EPHA3: variants seen among roughly 807,000 people sequenced by gnomAD.
The protein encoded by EPHA3 is ephrin type-A receptor 3.
EPHA3 carries 42 observed loss-of-function variants against 107.1 expected under a neutral mutation model. The observed-to-expected ratio is 0.39, with a 90% confidence interval of 0.31 to 0.51. EPHA3 has a LOEUF of 0.51. EPHA3 is among the 20% of genes least tolerant of loss of function. The pLI is 0.78. For missense variants in EPHA3, 1,183 were observed against 1,211.2 expected, an observed-to-expected ratio of 0.98 and a Z score of 0.35; for synonymous variants, 461 against 424.8, an observed-to-expected ratio of 1.09 and a Z score of -1.05.
At chr3:89,474,621 A>G (rs1710469681) in intron 16 of EPHA3, among the ~76,000 whole-genome samples, 1 of 152,244 alleles carries the variant, frequency 6.6e-6, no homozygotes, top group Non-Finnish European at 1.5e-5. Context: ...AAACTTTTAG[A>G]TATTGAAACA....
intron 5 of EPHA3, among the ~76,000 whole-genome samples, chr3:89,369,913 C>G (rs373190466): frequency 8.0e-5 from 12 of 150,440 alleles, no homozygotes; most frequent in Non-Finnish European, 1.2e-4. Flanking sequence ...AAAATGCTCA[C>G]CATCACTGGC....
chr3:89,311,408 T>C (rs1296782039), intron 3 of EPHA3, among the ~76,000 whole-genome samples: 1 of 152,026 alleles, frequency 6.6e-6, no homozygotes, highest in Non-Finnish European at 1.5e-5. Flanking sequence ...AGTGAAACCA[T>C]GCAAACTTTG....
At chr3:89,279,110 G>T (rs1705880229) in intron 3 of EPHA3, among the ~76,000 whole-genome samples, 1 of 151,968 alleles carries the variant, frequency 6.6e-6, no homozygotes, top group African/African-American at 2.4e-5. Context: ...ATTTAAAATT[G>T]TTTTGCAAGT....
At chr3:89,280,585 AG>A (rs2107313602) in intron 3 of EPHA3, among the ~76,000 whole-genome samples, 1 of 152,282 alleles carries the variant, frequency 6.6e-6, no homozygotes, top group South Asian at 2.1e-4. Context: ...ATTGGGTTTT[AG>A]TTGCATTGAG....
At chr3:89,323,260 G>A (rs1348948548) in intron 3 of EPHA3, among the ~76,000 whole-genome samples, 1 of 151,978 alleles carries the variant, frequency 6.6e-6, no homozygotes, top group Non-Finnish European at 1.5e-5. Context: ...ATGTGTATTA[G>A]AGAATATTTA....
rs970674631 is a variant in EPHA3 at position 89,322,169 on chromosome 3, C to T, written c.815-18747C>T. On this transcript the variant is annotated intron_variant, in intron 3 of 16. Transcript: ENST00000336596. ...GAGAGAGAAAACAGTATATACTTAT[C>T]GCATTCAAGAGAGTTTCCTATTTGG... 7.9e-5 allele frequency among the ~76,000 whole-genome samples: 12 copies of T among 151,742 alleles called. 1 individual carries two copies. Among genetic ancestry groups the T allele is most frequent in the Non-Finnish European group, 1.2e-4 (8 of 67,866 alleles).
At chr3:89,167,500 G>T (rs554479654) in intron 2 of EPHA3, among the ~76,000 whole-genome samples, 1 of 152,108 alleles carries the variant, frequency 6.6e-6, no homozygotes, top group South Asian at 2.1e-4. Flanking sequence ...TTACAAAAAA[G>T]AAATAGAAGC....
chr3:89,219,938 G>A (rs1441810437), intron 3 of EPHA3, among the ~76,000 whole-genome samples: 2 of 149,260 alleles, frequency 1.3e-5, no homozygotes, highest in Non-Finnish European at 3.0e-5. Flanking sequence ...TCGATCTCCT[G>A]ACCTCGTGAT....
rs564741659 is a variant in EPHA3 at position 89,443,630 on chromosome 3, A to T, written c.2347-5595A>T. ...CTACTTTCCCAGGTCCACAAAATAA[A>T]TCATTATTCTCACTTGACAGAACAA... On this transcript the variant is annotated intron_variant, in intron 13 of 16. Transcript: ENST00000336596. 3.3e-5 allele frequency among the ~76,000 whole-genome samples: 5 copies of T among 152,308 alleles called. No individual in the cohort carries two copies. The South Asian group carries it at 1.0e-3, about 32-fold the overall frequency.
intron 3 of EPHA3, among the ~76,000 whole-genome samples, chr3:89,235,023 TTCCCTCCC>T (rs369198690): frequency 1.2e-4 from 14 of 120,378 alleles, no homozygotes; most frequent in East Asian, 5.8e-4. Context: ...TTCCCTCCCC[TTCCCTCCC>T]TCCCTCCCTC....
chr3:89,132,421 A>G (rs1704226179), intron 2 of EPHA3, among the ~76,000 whole-genome samples: 1 of 152,244 alleles, frequency 6.6e-6, no homozygotes. Context: ...ATTGTATATT[A>G]TAGTGTTATT....
At chr3:89,240,446 G>T (rs934510921) in intron 3 of EPHA3, among the ~76,000 whole-genome samples, 1 of 151,914 alleles carries the variant, frequency 6.6e-6, no homozygotes, top group Admixed American at 6.6e-5. Flanking sequence ...TATTTTAAAG[G>T]ATGAAAGGCA....
At chr3:89,312,032 A>G (rs1052301668) in intron 3 of EPHA3, among the ~76,000 whole-genome samples, 1 of 151,978 alleles carries the variant, frequency 6.6e-6, no homozygotes, top group African/African-American at 2.4e-5. Flanking sequence ...TAACAAATAA[A>G]AGACATAGAG....
At chr3:89,389,406 T>C (rs1708682587) in intron 5 of EPHA3, among the ~76,000 whole-genome samples, 2 of 152,192 alleles carry the variant, frequency 1.3e-5, no homozygotes, top group Admixed American at 1.3e-4. Context: ...ACTGCATATA[T>C]TTTCCCATGG....
chr3:89,155,360 C>T (rs1704776546), intron 2 of EPHA3, among the ~76,000 whole-genome samples: 1 of 152,020 alleles, frequency 6.6e-6, no homozygotes, highest in Non-Finnish European at 1.5e-5. Context: ...ATAAGACTAT[C>T]AAGTAGCATT....
chr3:89,167,647 C>T (rs1332349559), intron 2 of EPHA3, among the ~76,000 whole-genome samples: 1 of 152,216 alleles, frequency 6.6e-6, no homozygotes, highest in East Asian at 1.9e-4. Flanking sequence ...GTTGAATACA[C>T]TGAACTTTCT....
intron 13 of EPHA3, among the ~76,000 whole-genome samples, chr3:89,440,541 G>T (rs1348283358): frequency 6.6e-6 from 1 of 152,256 alleles, no homozygotes; most frequent in African/African-American, 2.4e-5. Flanking sequence ...AACCCATACC[G>T]CATGAGCTGA....
At chr3:89,284,953 C>T (rs13069582) in intron 3 of EPHA3, among the ~76,000 whole-genome samples, 10,102 of 152,048 alleles carry the variant, frequency 0.066, 451 homozygotes, top group South Asian at 0.12. Flanking sequence ...AGGGTGAAAC[C>T]CATTTCTACT....
At chr3:89,380,971 G>GTTT (rs1373969030) in intron 5 of EPHA3, among the ~76,000 whole-genome samples, 4 of 151,224 alleles carry the variant, frequency 2.6e-5, no homozygotes, top group African/African-American at 9.8e-5. Context: ...GCTATAGGCT[G>GTTT]TTTGTTTGTT....
Sources: gnomAD v4.1 joint callset for allele counts (sites outside exome capture counted in the v4.1 genomes callset) on GRCh38, gnomAD v4.1.1 for gene constraint, MANE v1.5 for transcripts, NCBI Gene and HGNC (gene_info 2026-07-23, HGNC 2026-07-21) for gene names.